The following PTPRM variants were observed in gnomAD, a reference collection of about 807,000 sequenced individuals.
PTPRM encodes the protein protein tyrosine phosphatase receptor type M.
PTPRM carries 47 observed loss-of-function variants against 186.7 expected under a neutral mutation model. The ratio of observed to expected loss-of-function variants is 0.25; its 90% CI spans 0.20 to 0.32. The LOEUF (loss-of-function observed/expected upper bound fraction) is 0.32. Ranked by LOEUF, PTPRM falls within the 10% of genes least tolerant of loss-of-function variation. PTPRM has a pLI of 1.00. For missense variants in PTPRM, 1,494 were observed against 1,865.0 expected, an observed-to-expected ratio of 0.80 and a Z score of 3.66; for synonymous variants, 668 against 674.9, an observed-to-expected ratio of 0.99 and a Z score of 0.16.
chr18:7,994,195 CA>C (rs1185538772), intron 7 of PTPRM, among the ~76,000 whole-genome samples: 3 of 151,034 alleles, frequency 2.0e-5, no homozygotes, highest in African/African-American at 7.3e-5. Context: ...AACTTTAAGT[CA>C]AAAAACATAA....
At chr18:7,985,750 T>C (rs979825040) in intron 7 of PTPRM, among the ~76,000 whole-genome samples, 3 of 151,792 alleles carry the variant, frequency 2.0e-5, no homozygotes, top group Non-Finnish European at 4.4e-5. Context: ...GGAGTTTCCA[T>C]CCCCTCAAGC....
At chr18:7,586,479 A>T (rs1000554665) in intron 1 of PTPRM, among the ~76,000 whole-genome samples, 1 of 152,084 alleles carries the variant, frequency 6.6e-6, no homozygotes, top group Admixed American at 6.6e-5. Context: ...ATTATATTAT[A>T]ATATAAACCA....
intron 14 of PTPRM, among the ~76,000 whole-genome samples, chr18:8,222,685 A>C (rs1220752142): frequency 6.6e-6 from 1 of 152,228 alleles, no homozygotes; most frequent in African/African-American, 2.4e-5. Context: ...GCTCAGCAGG[A>C]CTTTCCTTGT....
At chr18:7,872,198 C>T (rs965402876) in intron 2 of PTPRM, among the ~76,000 whole-genome samples, 7 of 152,060 alleles carry the variant, frequency 4.6e-5, no homozygotes, top group African/African-American at 7.2e-5. Flanking sequence ...AAAGAACCAC[C>T]GTTCTTTCAC....
At chr18:8,263,850 C>T (rs2094665163) in intron 19 of PTPRM, among the ~76,000 whole-genome samples, 1 of 152,182 alleles carries the variant, frequency 6.6e-6, no homozygotes, top group Admixed American at 6.5e-5. Context: ...TCCTACGCAC[C>T]TGTTCGTGTG....
chr18:7,908,304 G>A (rs1396713962), intron 4 of PTPRM, among the ~76,000 whole-genome samples: 15 of 152,180 alleles, frequency 9.9e-5, no homozygotes, highest in Non-Finnish European at 5.9e-5. Flanking sequence ...AGGATCTCTG[G>A]CATTAAAGAG....
chr18:8,184,971 C>A (rs1296450619), intron 14 of PTPRM, among the ~76,000 whole-genome samples: 2 of 152,058 alleles, frequency 1.3e-5, no homozygotes, highest in Admixed American at 1.3e-4. Context: ...TCAAAGGATA[C>A]CACTTTCTTT....
intron 14 of PTPRM, among the ~76,000 whole-genome samples, chr18:8,157,046 TCAGAGA>T (rs532800924): frequency 3.3e-5 from 5 of 152,094 alleles, no homozygotes; most frequent in Non-Finnish European, 7.3e-5. Flanking sequence ...CCTTTCCTCC[TCAGAGA>T]CAAATGCTGG....
At chr18:8,169,541 A>G (rs567099061) in intron 14 of PTPRM, among the ~76,000 whole-genome samples, 3 of 152,322 alleles carry the variant, frequency 2.0e-5, no homozygotes, top group African/African-American at 7.2e-5. Flanking sequence ...TGATTTAGAC[A>G]TAGAAACAAC....
intron 14 of PTPRM, among the ~76,000 whole-genome samples, chr18:8,235,191 A>G (rs2094330056): frequency 6.6e-6 from 1 of 152,078 alleles, no homozygotes; most frequent in African/African-American, 2.4e-5. Flanking sequence ...TAACAGTGAA[A>G]CCATCTGAGC....
chr18:7,919,857 A>G (rs1333562489), intron 4 of PTPRM, among the ~76,000 whole-genome samples: 2 of 152,048 alleles, frequency 1.3e-5, no homozygotes, highest in Non-Finnish European at 2.9e-5. Flanking sequence ...TGTTTGCTTT[A>G]TATACTTGGG....
At chr18:7,975,545 A>G (rs910805217) in intron 7 of PTPRM, among the ~76,000 whole-genome samples, 10 of 152,244 alleles carry the variant, frequency 6.6e-5, no homozygotes, top group African/African-American at 2.4e-4. Flanking sequence ...AAGGTTCCAC[A>G]TAACAGTCTT....
chr18:8,182,387 T>C (rs2093588311), intron 14 of PTPRM, among the ~76,000 whole-genome samples: 1 of 152,180 alleles, frequency 6.6e-6, no homozygotes, highest in Admixed American at 6.5e-5. Flanking sequence ...AAGACTCTCG[T>C]ATATCTCATG....
At chr18:8,206,263 A>ATTTTTTTTT (rs1211708621) in intron 14 of PTPRM, among the ~76,000 whole-genome samples, 1 of 147,118 alleles carries the variant, frequency 6.8e-6, no homozygotes, top group African/African-American at 2.7e-5. Context: ...ATTTTATTTT[A>ATTTTTTTTT]TTTTATTTTG....
intron 7 of PTPRM, among the ~76,000 whole-genome samples, chr18:8,013,276 G>T (rs1460709042): frequency 2.6e-5 from 4 of 152,192 alleles, no homozygotes; most frequent in Non-Finnish European, 1.5e-5. Flanking sequence ...CTTGAACAGT[G>T]TAGGGGCTGG....
chr18:7,838,091 C>G (rs1332208977), intron 2 of PTPRM, among the ~76,000 whole-genome samples: 1 of 152,138 alleles, frequency 6.6e-6, no homozygotes, highest in Non-Finnish European at 1.5e-5. Flanking sequence ...CTGCCCGAGA[C>G]TGGGTAATTT....
intron 1 of PTPRM, among the ~76,000 whole-genome samples, chr18:7,699,165 A>G (rs962088147): frequency 6.6e-6 from 1 of 152,086 alleles, no homozygotes. Flanking sequence ...GACTCTAACC[A>G]ATGCCTGATG....
intron 1 of PTPRM, among the ~76,000 whole-genome samples, chr18:7,649,224 C>A (rs1364617657): frequency 1.3e-5 from 2 of 152,158 alleles, no homozygotes; most frequent in Non-Finnish European, 2.9e-5. Flanking sequence ...CAAAAAGATT[C>A]CTTTCAAAAT....
intron 14 of PTPRM, among the ~76,000 whole-genome samples, chr18:8,165,847 G>C (rs1379106543): frequency 6.6e-6 from 1 of 152,194 alleles, no homozygotes; most frequent in African/African-American, 2.4e-5. Flanking sequence ...GAATTGTGCA[G>C]TTCCCCCCTT....
Sources: gnomAD v4.1 joint callset for allele counts (sites outside exome capture counted in the v4.1 genomes callset) on GRCh38, gnomAD v4.1.1 for gene constraint, MANE v1.5 for transcripts, NCBI Gene and HGNC (gene_info 2026-07-23, HGNC 2026-07-21) for gene names.